The following PHRF1 variants were observed in gnomAD, a reference collection of about 807,000 sequenced individuals.
PHRF1 encodes the protein PHD and ring finger domains 1.
A neutral mutation model predicts 128.9 loss-of-function variants in PHRF1; 53 were observed. The observed-to-expected ratio is 0.41, with a 90% confidence interval of 0.33 to 0.52. The LOEUF (loss-of-function observed/expected upper bound fraction) is 0.52. PHRF1 is among the 20% of genes least tolerant of loss of function. The pLI, the probability that PHRF1 is intolerant of heterozygous loss-of-function variation, is 0.21. For synonymous variants in PHRF1, 1,178 were observed against 980.6 expected, an observed-to-expected ratio of 1.20 and a Z score of -3.76; for missense variants, 2,503 against 2,284.5, an observed-to-expected ratio of 1.10 and a Z score of -1.95.
chr11:576,912 C>T (rs1271740568), intron 1 of PHRF1, among the ~76,000 whole-genome samples: 1 of 149,740 alleles, frequency 6.7e-6, no homozygotes, highest in Non-Finnish European at 1.5e-5. Flanking sequence ...GAGGCCCCGC[C>T]GAGACTGGGA....
Position 607,877 on chromosome 11 carries a change from G to C in PHRF1, c.2421G>C (p.Glu807Asp), listed in dbSNP as rs758271203. 1.9e-5 allele frequency: 31 copies of C among 1,612,642 alleles called. No homozygotes were observed. Among genetic ancestry groups the C allele is most frequent in the African/African-American group, 2.7e-5 (2 of 74,950 alleles). Reference sequence around the variant, plus strand: ...CGTTCCGGCCTGTGGACGATAAGGAGCAGAGGAAGGAGAACCCCTCACCCC... The same window carrying C: ...CGTTCCGGCCTGTGGACGATAAGGACCAGAGGAAGGAGAACCCCTCACCCC... ...CNTFRPVDDK[E>D]QRKENPSPLF... The change falls in exon 14 of 18, where the codon GAG (glutamate) becomes GAC (aspartate). Residue 807 changes from glutamate (E) to aspartate (D), a missense_variant. Transcript: ENST00000264555.
Position 596,969 on chromosome 11 carries a change from G to A in PHRF1, c.667G>A (p.Asp223Asn), listed in dbSNP as rs1265145274. The change falls in exon 7 of 18, where the codon GAC becomes AAC. Residue 223 changes from aspartate (D) to asparagine (N), a missense_variant. Physicochemically the swap from Asp to Asn is conservative, Grantham distance 23. Coordinates refer to ENST00000264555, the MANE Select transcript of PHRF1 (RefSeq NM_001286581.2). Reference sequence around the variant, plus strand: ...CCCCCCTCTCCAGGAGGTGCCGGTGGACGAGTGGTTCTGCCCGGAATGTGC... The same window carrying A: ...CCCCCCTCTCCAGGAGGTGCCGGTGAACGAGTGGTTCTGCCCGGAATGTGC... The part of the protein sequence containing the change: ...LDPPLQEVPV[D>N]EWFCPECAAP... 2 of 1,613,808 alleles carry A rather than the reference G, an allele frequency of 1.2e-6. No individual in the cohort carries two copies. The highest frequency in any genetic ancestry group is 1.7e-6 in the Non-Finnish European group (2 of 1,179,896).
intron 5 of PHRF1, among the ~76,000 whole-genome samples, chr11:591,951 T>C (rs1420127358): frequency 6.7e-6 from 1 of 150,374 alleles, no homozygotes; most frequent in Non-Finnish European, 1.5e-5. Flanking sequence ...AGTCTCGCTC[T>C]TTTGCCCAGG....
Position 592,642 on chromosome 11 carries a change from C to A in PHRF1, c.588C>A (p.Asp196Glu). The change falls in exon 6 of 18, where the codon GAC becomes GAA. Residue 196 changes from aspartate (D) to glutamate (E), a missense_variant. Coordinates refer to ENST00000264555, the MANE Select transcript of PHRF1 (RefSeq NM_001286581.2). ...TGTGCGGCAGGAGCGACCGTGAGGA[C>A]AGGCTTTTGCTCTGCGACGGCTGCG... ...CEVCGRSDRE[D>E]RLLLCDGCDA... 3 of 1,614,064 alleles carry A rather than the reference C, an allele frequency of 1.9e-6. No individual in the cohort carries two copies. Among genetic ancestry groups the A allele is most frequent in the Non-Finnish European group, 2.5e-6 (3 of 1,179,906 alleles).
In PHRF1 at chr11:612,010, T is replaced by G; in HGVS notation, c.*233T>G. Reference sequence around the variant, plus strand: ...ACTGGACACTTTTGTATGTATATTATAGAGACACTGTTTCCATTCTAATTT... The same window carrying G: ...ACTGGACACTTTTGTATGTATATTAGAGAGACACTGTTTCCATTCTAATTT... On this transcript the variant is annotated 3_prime_UTR_variant, in exon 18 of 18. Coordinates refer to ENST00000264555, the MANE Select transcript of PHRF1 (RefSeq NM_001286581.2). 1.8e-6 allele frequency: 1 copy of G among 570,564 alleles called. No homozygotes were observed. The highest frequency in any genetic ancestry group is 3.0e-6 in the Non-Finnish European group (1 of 332,806). The allele number at this position is 570,564 out of a possible 1,614,324, so 35.3% of individuals were successfully genotyped here.
At chr11:577,114 C>T (rs1853908827) in intron 1 of PHRF1, among the ~76,000 whole-genome samples, 1 of 152,248 alleles carries the variant, frequency 6.6e-6, no homozygotes, top group Non-Finnish European at 1.5e-5. Flanking sequence ...GCCTTGTCTG[C>T]ATGTCCACAG....
At chr11:584,921 C>T (rs1187591173) in intron 3 of PHRF1, among the ~76,000 whole-genome samples, 1 of 151,838 alleles carries the variant, frequency 6.6e-6, no homozygotes, top group Non-Finnish European at 1.5e-5. Context: ...TATTGTTATT[C>T]GAGATGGGGT....
Position 610,562 on chromosome 11 carries a change from T to C in PHRF1, c.4478T>C (p.Leu1493Pro). ...CCCTCAAGCATCCCACCCTGCGCAC[T>C]GGTCAGCCAGCCCACGGTCCAGTTC... ...AQPSSIPPCA[L>P]VSQPTVQFIL... is the part of the protein sequence containing the mutation. Residue 1493 changes from leucine (L) to proline (P), a missense_variant, in exon 16 of 18, where the codon CTG becomes CCG. By Grantham distance (98) the Leu-to-Pro change is moderately conservative. Coordinates refer to ENST00000264555, the MANE Select transcript of PHRF1 (RefSeq NM_001286581.2). 1 of 1,606,214 alleles carries C rather than the reference T, an allele frequency of 6.2e-7. No homozygotes were observed. Among genetic ancestry groups the C allele is most frequent in the Non-Finnish European group, 8.5e-7 (1 of 1,179,706 alleles).
At chr11:609,999 G>A (rs1248712443) in intron 14 of PHRF1, among the ~76,000 whole-genome samples, 197 bp from the exon 15 acceptor site, 1 of 152,226 alleles carries the variant, frequency 6.6e-6, no homozygotes, top group Non-Finnish European at 1.5e-5. Flanking sequence ...CTGCAGGTGG[G>A]CAGAACAGGT....
chr11:576,772 GCCCCGCCGAGA>G (rs1853867377), intron 1 of PHRF1, among the ~76,000 whole-genome samples, 180 bp downstream of exon 1: 1 of 111,166 alleles, frequency 9.0e-6, no homozygotes, highest in Non-Finnish European at 2.1e-5. Flanking sequence ...AGACTGGGAG[GCCCCGCCGAGA>G]CTGGGAGGCC....
chr11:607,701 C>A lies in PHRF1; in HGVS notation c.2245C>A (p.Arg749=), dbSNP rs747280133. ...REPGVHTGSS[R]PPAPSSHGSL... ...GCCCGGGGTGCACACGGGCAGCTCC[C>A]GGCCCCCAGCCCCCAGCTCCCATGG... The change falls in exon 14 of 18, where the codon CGG becomes AGG. Residue 749 remains arginine, a synonymous_variant. Transcript: ENST00000264555. 4 of 1,610,242 alleles carry A rather than the reference C, an allele frequency of 2.5e-6. No individual in the cohort carries two copies. In the East Asian group the frequency reaches 6.7e-5, roughly 27 times the overall value.
intron 4 of PHRF1, 96 bp from the exon 5 acceptor site, chr11:591,288 G>A: frequency 1.8e-6 from 2 of 1,085,964 alleles, no homozygotes; most frequent in East Asian, 2.7e-5. Flanking sequence ...GCGCATGGAG[G>A]CATTTAGCAG....
chr11:608,421 C>T lies in PHRF1; in HGVS notation c.2965C>T (p.Pro989Ser). Residue 989 changes from proline (P) to serine (S), a missense_variant, in exon 14 of 18, where the codon CCC (proline) becomes TCC (serine). Coordinates refer to ENST00000264555, the MANE Select transcript of PHRF1 (RefSeq NM_001286581.2). Reference sequence around the variant, plus strand: ...CACCCACAGAGTCGTGGAGCTCAGGCCCCCTTCCCGGTCCCGCTCCACATC... The same window carrying T: ...CACCCACAGAGTCGTGGAGCTCAGGTCCCCTTCCCGGTCCCGCTCCACATC... ...AATHRVVELR[P>S]PSRSRSTSSS... 6.2e-7 allele frequency: 1 copy of T among 1,611,434 alleles called. No individual in the cohort carries two copies. Among genetic ancestry groups the T allele is most frequent in the South Asian group, 1.1e-5 (1 of 90,912 alleles).
chr11:599,859 C>T (rs1273172931), intron 9 of PHRF1, among the ~76,000 whole-genome samples: 1 of 152,012 alleles, frequency 6.6e-6, no homozygotes, highest in African/African-American at 2.4e-5. Flanking sequence ...GTGCAGGGGC[C>T]CAACTTGCTC....
In PHRF1 at chr11:612,161, G is replaced by A. The variant is rs370887737; in HGVS notation, c.*384G>A. 143 of 314,024 alleles carry A rather than the reference G, an allele frequency of 4.6e-4. No individual in the cohort carries two copies. The highest frequency in any genetic ancestry group is 2.9e-3 in the East Asian group (48 of 16,590). 19.5% of individuals were successfully genotyped at this position (314,024 alleles called of 1,614,324 possible). ...TTGATAAATCTCTAGGTGGCCTCCC[G>A]CCAACAGCTGCTGTGTACCTTTGGC... On this transcript the variant is annotated 3_prime_UTR_variant, in exon 18 of 18. Coordinates refer to ENST00000264555, the MANE Select transcript of PHRF1 (RefSeq NM_001286581.2).
intron 1 of PHRF1, among the ~76,000 whole-genome samples, chr11:576,813 C>CGTGG (rs1564833251): frequency 3.7e-5 from 3 of 80,232 alleles, no homozygotes; most frequent in Non-Finnish European, 8.7e-5. Context: ...CTGGGAGGCC[C>CGTGG]CGCCGAGACT....
Position 608,659 on chromosome 11 carries a change from A to G in PHRF1, c.3203A>G (p.Lys1068Arg), listed in dbSNP as rs774284840. The G allele has an allele frequency of 3.8e-5, 61 of 1,612,332 alleles. No individual in the cohort carries two copies. Among genetic ancestry groups the G allele is most frequent in the African/African-American group, 5.3e-5 (4 of 74,942 alleles). Reference protein sequence around the residue: ...RSSSRERAKRKKAKDKSREHR... With the variant: ...RSSSRERAKRRKAKDKSREHR... ...AGCAGCCGAGAGCGAGCTAAGAGGA[A>G]GAAAGCCAAGGACAAGAGCAGGGAG... Residue 1068 changes from lysine (K) to arginine (R), a missense_variant, in exon 14 of 18, where the codon AAG (lysine) becomes AGG (arginine). Coordinates refer to ENST00000264555, the MANE Select transcript of PHRF1 (RefSeq NM_001286581.2).
intron 4 of PHRF1, among the ~76,000 whole-genome samples, chr11:590,071 A>ACGGAGCG (rs1449544775): frequency 0.12 from 18,331 of 149,212 alleles, 2,536 homozygotes; most frequent in Admixed American, 0.16. Context: ...GCAAACGGGC[A>ACGGAGCG]TGGAGCGTGC....
intron 4 of PHRF1, among the ~76,000 whole-genome samples, chr11:588,861 G>A (rs1468217213): frequency 6.6e-6 from 1 of 152,088 alleles, no homozygotes. Flanking sequence ...AATGGAACCG[G>A]GTGCAGTGGC....
Sources: allele counts gnomAD v4.1 joint callset (sites outside exome capture counted in the v4.1 genomes callset), GRCh38; gene constraint gnomAD v4.1.1; transcripts MANE v1.5; gene names NCBI Gene and HGNC (gene_info 2026-07-23, HGNC 2026-07-21).